The following KBTBD12 variants were observed in gnomAD, a reference collection of about 807,000 sequenced individuals.
KBTBD12 encodes kelch repeat and BTB domain containing 12.
Under a neutral mutation model 58.7 loss-of-function variants are expected in KBTBD12, and 53 were observed. The ratio of observed to expected loss-of-function variants is 0.90; its 90% CI spans 0.72 to 1.14. The LOEUF is 1.14. Ranked by LOEUF, KBTBD12 falls within the 50% of genes most tolerant of loss-of-function variation. KBTBD12 has a pLI of 0.00. For synonymous variants in KBTBD12, 236 were observed against 259.8 expected, an observed-to-expected ratio of 0.91 and a Z score of 0.88; for missense variants, 704 against 751.3, an observed-to-expected ratio of 0.94 and a Z score of 0.74.
Position 127,984,159 on chromosome 3 carries a change from G to A in KBTBD12, c.1753G>A (p.Val585Ile). ...GGACCCATGGGAAAACCAGTGGAAT[G>A]TTGTAGCCATCAACGTCCTCATGCA... Reference protein sequence around the residue: ...ELDPWENQWNVVAINVLMHDS... With the variant: ...ELDPWENQWNIVAINVLMHDS... The change falls in exon 6 of 6, where the codon GTT (valine) becomes ATT (isoleucine). Residue 585 changes from valine (V) to isoleucine (I), a missense_variant. Coordinates refer to ENST00000405109, the MANE Select transcript of KBTBD12 (RefSeq NM_207335.4). 1 of 1,613,940 alleles carries A rather than the reference G, an allele frequency of 6.2e-7. No homozygotes were observed. The highest frequency in any genetic ancestry group is 8.5e-7 in the Non-Finnish European group (1 of 1,179,812).
intron 4 of KBTBD12, among the ~76,000 whole-genome samples, chr3:127,931,328 C>T (rs1332996160): frequency 6.6e-6 from 1 of 152,088 alleles, no homozygotes; most frequent in Non-Finnish European, 1.5e-5. Flanking sequence ...AAGAATATTA[C>T]ACAACATAAT....
At chr3:127,975,273 T>C (rs968355727) in intron 5 of KBTBD12, among the ~76,000 whole-genome samples, 3 of 152,186 alleles carry the variant, frequency 2.0e-5, no homozygotes, top group Non-Finnish European at 4.4e-5. Flanking sequence ...ATCCTCAGAC[T>C]AACTTCCTAT....
chr3:127,931,703 C>T (rs537709574), intron 4 of KBTBD12, among the ~76,000 whole-genome samples: 17 of 152,084 alleles, frequency 1.1e-4, no homozygotes, highest in Non-Finnish European at 2.4e-4. Flanking sequence ...TGGACACTGT[C>T]CATTGAATGA....
At chr3:127,944,327 G>A (rs1408140079) in intron 4 of KBTBD12, among the ~76,000 whole-genome samples, 1 of 152,030 alleles carries the variant, frequency 6.6e-6, no homozygotes, top group East Asian at 1.9e-4. Context: ...TATGGGATAT[G>A]CTTCCATTGA....
At chr3:127,944,431 C>A (rs1940026164) in intron 4 of KBTBD12, among the ~76,000 whole-genome samples, 1 of 151,744 alleles carries the variant, frequency 6.6e-6, no homozygotes, top group Admixed American at 6.6e-5. Flanking sequence ...AGTATTTTAT[C>A]CTTTTGGGTA....
At chr3:127,946,922 T>C (rs559329666) in intron 4 of KBTBD12, among the ~76,000 whole-genome samples, 6 of 152,244 alleles carry the variant, frequency 3.9e-5, no homozygotes, top group Non-Finnish European at 7.3e-5. Context: ...CCAGCCATTT[T>C]CTTCTTCTTT....
intron 4 of KBTBD12, among the ~76,000 whole-genome samples, chr3:127,955,050 G>A (rs1940292635): frequency 6.6e-6 from 1 of 152,150 alleles, no homozygotes; most frequent in Admixed American, 6.5e-5. Flanking sequence ...CCCAGGGCCT[G>A]GCTTTACGTT....
intron 1 of KBTBD12, among the ~76,000 whole-genome samples, chr3:127,918,781 T>C (rs1939323912): frequency 6.6e-6 from 1 of 151,232 alleles, no homozygotes; most frequent in East Asian, 1.9e-4. Context: ...ACTGTAGTAG[T>C]TTGGTACTAC....
intron 5 of KBTBD12, among the ~76,000 whole-genome samples, chr3:127,980,054 T>C (rs533828873): frequency 3.3e-5 from 5 of 152,284 alleles, no homozygotes; most frequent in African/African-American, 1.2e-4. Context: ...TTGCAAACTA[T>C]GGAGAAATTT....
intron 4 of KBTBD12, among the ~76,000 whole-genome samples, chr3:127,946,718 A>G: frequency 6.6e-6 from 1 of 151,984 alleles, no homozygotes; most frequent in East Asian, 1.9e-4. Flanking sequence ...TATTGCTTCT[A>G]TTTTGTTCTC....
intron 4 of KBTBD12, among the ~76,000 whole-genome samples, chr3:127,947,927 C>G (rs1940118654): frequency 6.6e-6 from 1 of 152,194 alleles, no homozygotes; most frequent in South Asian, 2.1e-4. Flanking sequence ...CTGCACCTCT[C>G]CGATGCCTTT....
At chr3:127,971,227 T>C (rs1358081799) in intron 5 of KBTBD12, among the ~76,000 whole-genome samples, 1 of 152,186 alleles carries the variant, frequency 6.6e-6, no homozygotes, top group Non-Finnish European at 1.5e-5. Context: ...GACAACACTG[T>C]GGCCTTAGGT....
chr3:127,928,090 T>G, intron 3 of KBTBD12, 56 bp downstream of exon 3: 1 of 1,423,918 alleles, frequency 7.0e-7, no homozygotes, highest in Non-Finnish European at 9.9e-7. Flanking sequence ...CTGGCTGCTA[T>G]GTTAAACATT....
At position 127,984,287 on chromosome 3, in the gene KBTBD12, T is replaced by G; in HGVS notation, c.*9T>G. ...AAGGCAATGAGCACTAAGGTGACCT[T>G]GCTGGAGGACCTCCTGCTGTTCTGC... On this transcript the variant is annotated 3_prime_UTR_variant, in exon 6 of 6. Transcript: ENST00000405109. 1 of 1,610,788 alleles carries G rather than the reference T, an allele frequency of 6.2e-7. No homozygotes were observed.
chr3:127,974,438 T>C (rs1292792720), intron 5 of KBTBD12, among the ~76,000 whole-genome samples: 2 of 151,978 alleles, frequency 1.3e-5, no homozygotes, highest in Admixed American at 1.3e-4. Context: ...AGGGCATTGC[T>C]CTCCCTAGAT....
At chr3:127,957,278 C>G (rs980010987) in intron 4 of KBTBD12, among the ~76,000 whole-genome samples, 1 of 152,128 alleles carries the variant, frequency 6.6e-6, no homozygotes, top group African/African-American at 2.4e-5. Flanking sequence ...ATATTTATTT[C>G]ACAAATACTG....
intron 4 of KBTBD12, 131 bp from the exon 5 acceptor site, chr3:127,963,058 G>C: frequency 4.1e-6 from 3 of 737,614 alleles, no homozygotes; most frequent in Non-Finnish European, 6.6e-6. Flanking sequence ...TTGTCTTCAA[G>C]GTAGCACCTG....
At position 127,964,404 on chromosome 3, in the gene KBTBD12, C is replaced by A. The variant is rs185819064; in HGVS notation, c.1690+1018C>A. Among the ~76,000 whole-genome samples the A allele has an allele frequency of 6.9e-3, 1,042 of 151,692 alleles. 10 individuals carry two copies. The highest frequency in any genetic ancestry group is 0.024 in the African/African-American group (974 of 41,362). Reference sequence around the variant, plus strand: ...ATCCTAGCACTTTGGGAGGCCGAGGCAGGCAGATCACAAGGTCAGGAGTTT... The same window carrying A: ...ATCCTAGCACTTTGGGAGGCCGAGGAAGGCAGATCACAAGGTCAGGAGTTT... On this transcript the variant is annotated intron_variant, in intron 5 of 5. Coordinates refer to ENST00000405109, the MANE Select transcript of KBTBD12 (RefSeq NM_207335.4).
At chr3:127,916,692 A>G (rs1283914856) in intron 1 of KBTBD12, among the ~76,000 whole-genome samples, 4 of 150,810 alleles carry the variant, frequency 2.7e-5, no homozygotes, top group Non-Finnish European at 4.4e-5. Context: ...TTTACCAAAA[A>G]CAAAACAAAA....
Sources: gnomAD v4.1 joint callset for allele counts (sites outside exome capture counted in the v4.1 genomes callset) on GRCh38, gnomAD v4.1.1 for gene constraint, MANE v1.5 for transcripts, NCBI Gene and HGNC (gene_info 2026-07-23, HGNC 2026-07-21) for gene names.